IQCH: variants seen among roughly 807,000 people sequenced by gnomAD.
IQCH encodes IQ motif containing H, also known as IQ domain-containing protein H.
In IQCH, 98 loss-of-function variants were observed where a neutral mutation model predicts 117.0. The ratio of observed to expected loss-of-function variants is 0.84; its 90% CI spans 0.71 to 0.99. The LOEUF is 0.99. Among genes scored for constraint, IQCH ranks in the 50% least tolerant of loss-of-function variants. The probability of loss-of-function intolerance (pLI) is 0.00; values close to 1 mark genes in which losing one functional copy is unlikely to be tolerated. For missense variants in IQCH, 1,102 were observed against 1,243.8 expected (o/e 0.89, Z 1.72); for synonymous variants, 412 against 448.2 (o/e 0.92, Z 1.02).
At chr15:67,330,096 C>T (rs1344307599) in intron 4 of IQCH, among the ~76,000 whole-genome samples, 1 of 152,112 alleles carries the variant, frequency 6.6e-6, no homozygotes, top group Non-Finnish European at 1.5e-5. Flanking sequence ...ACCATCATGT[C>T]TTTATTTCAG....
chr15:67,335,328 T>C (rs928312282), intron 4 of IQCH, among the ~76,000 whole-genome samples: 2 of 152,216 alleles, frequency 1.3e-5, no homozygotes, highest in Non-Finnish European at 2.9e-5. Flanking sequence ...TCAAAGGCTT[T>C]GAGAAAATCC....
intron 4 of IQCH, among the ~76,000 whole-genome samples, chr15:67,322,626 C>G (rs1309398138): frequency 3.3e-5 from 5 of 152,182 alleles, no homozygotes; most frequent in African/African-American, 4.8e-5. Flanking sequence ...GCCCACTCAG[C>G]CCGCCTAGGT....
In IQCH at chr15:67,320,574, A is replaced by G. The variant is rs527585723; in HGVS notation, c.388-16401A>G. Among the ~76,000 whole-genome samples, 6 of 152,322 alleles carry G rather than the reference A, an allele frequency of 3.9e-5. No individual in the cohort carries two copies. The South Asian group carries it at 1.0e-3, about 26-fold the overall frequency. ...ATAGTGAGAAAAAATAGCAACAAAG[A>G]ATCATTACATTTTTGTCAACCTGAA... On this transcript the variant is annotated intron_variant, in intron 4 of 20. Transcript: ENST00000335894.
rs1971755093 is a variant in IQCH, at chr15:67,403,492, G to A, written c.2097+3187G>A. ...TTTTTTCTTGGTGACTTGGTACCAA[G>A]CCTATTCTCTTCATCCTACCAGCTA... On this transcript the variant is annotated intron_variant, in intron 14 of 20. Coordinates refer to ENST00000335894, the MANE Select transcript of IQCH (RefSeq NM_001031715.3). This position sits in a 1 kb window ranked among gnomAD's most constrained non-coding sequence, Gnocchi z 4.8. 6.6e-6 allele frequency: 1 copy of A among 152,100 alleles called. No homozygotes were observed. Among genetic ancestry groups the A allele is most frequent in the Admixed American group, 6.5e-5 (1 of 15,268 alleles). The allele number at this position is 152,100 out of a possible 1,614,324, so 9.4% of individuals were successfully genotyped here.
rs1967338214 is a variant in IQCH at position 67,307,129 on chromosome 15, A to G, written c.387+27617A>G. On this transcript the variant is annotated intron_variant, in intron 4 of 20. Coordinates refer to ENST00000335894, the MANE Select transcript of IQCH (RefSeq NM_001031715.3). ...TTATGACCTAGAAAAAAATCATAAA[A>G]ACATTTTTCTTTTTGGCAAGATGTG... The G allele has an allele frequency of 3.6e-6, 4 of 1,117,490 alleles. No homozygotes were observed. The South Asian group carries it at 1.6e-4, about 45-fold the overall frequency. The allele number at this position is 1,117,490 out of a possible 1,614,324, so 69.2% of individuals were successfully genotyped here.
In IQCH at chr15:67,403,357, A is replaced by C. The variant is rs1469420368; in HGVS notation, c.2097+3052A>C. 6.6e-6 allele frequency among the ~76,000 whole-genome samples: 1 copy of C among 152,200 alleles called. No individual in the cohort carries two copies. The highest frequency in any genetic ancestry group is 2.4e-5 in the African/African-American group (1 of 41,454). ...ATAGTCCTGAAGTCAGCAGATGCTG[A>C]AAAGTTGTAGTCACGGTTAAAAAAA... is the stretch of plus-strand genomic sequence containing the variant. On this transcript the variant is annotated intron_variant, in intron 14 of 20. Coordinates refer to ENST00000335894, the MANE Select transcript of IQCH (RefSeq NM_001031715.3). This position sits in a 1 kb window ranked among gnomAD's most constrained non-coding sequence, Gnocchi z 4.8.
chr15:67,297,194 A>T, intron 4 of IQCH, among the ~76,000 whole-genome samples: 1 of 152,218 alleles, frequency 6.6e-6, no homozygotes, highest in East Asian at 1.9e-4. Flanking sequence ...ATAGAATGTT[A>T]GAGCTGAATT....
chr15:67,322,420 T>C (rs949187532), intron 4 of IQCH, among the ~76,000 whole-genome samples: 6 of 151,922 alleles, frequency 3.9e-5, no homozygotes, highest in Non-Finnish European at 7.4e-5. Flanking sequence ...CATGTCCTGT[T>C]TTTTAAGTTC....
rs201813482 is a variant in IQCH, at chr15:67,439,888, C to CAA, written c.2505+18328_2505+18329dup. Reference sequence around the variant, plus strand: ...GGGCAACAAGAGCAAAACTCCGTCTCAAAAAAAAAAAAAAAAAATACAAAC... The same window carrying CAA: ...GGGCAACAAGAGCAAAACTCCGTCTCAAAAAAAAAAAAAAAAAAAATACAAAC... On this transcript the variant is annotated intron_variant, in intron 16 of 20. Coordinates refer to ENST00000335894, the MANE Select transcript of IQCH (RefSeq NM_001031715.3). Among the ~76,000 whole-genome samples the CAA allele has an allele frequency of 1.6e-3, 136 of 83,954 alleles. 4 individuals carry two copies. The highest frequency in any genetic ancestry group is 4.8e-3 in the African/African-American group (128 of 26,486). 55.1% of individuals were successfully genotyped at this position (83,954 alleles called of 152,430 possible).
In IQCH at chr15:67,454,301, T is replaced by C. The variant is rs1034553056; in HGVS notation, c.2506-10826T>C. Among the ~76,000 whole-genome samples the C allele has an allele frequency of 7.9e-5, 12 of 152,170 alleles. No homozygotes were observed. On this transcript the variant is annotated intron_variant, in intron 16 of 20. Coordinates refer to ENST00000335894, the MANE Select transcript of IQCH (RefSeq NM_001031715.3). The surrounding 1 kb of genome is among the most constrained non-coding windows in gnomAD (Gnocchi z 5.2). ...GGTACCTCAGTTGGAAATGCAGAAA[T>C]CACCCGTCTTCTGCGTCGCTCACGC...
intron 4 of IQCH, among the ~76,000 whole-genome samples, chr15:67,331,317 C>T (rs917864816): frequency 2.0e-5 from 3 of 151,742 alleles, no homozygotes; most frequent in Non-Finnish European, 2.9e-5. Context: ...TTAAAGAGAA[C>T]ATAAATTAAT....
intron 3 of IQCH, among the ~76,000 whole-genome samples, chr15:67,269,175 C>T (rs573812256): frequency 6.6e-6 from 1 of 152,186 alleles, no homozygotes; most frequent in East Asian, 1.9e-4. Context: ...TCTCATCTTA[C>T]AGATAAACCA....
At chr15:67,351,536 G>T (rs537134062) in intron 6 of IQCH, among the ~76,000 whole-genome samples, 9 of 152,318 alleles carry the variant, frequency 5.9e-5, no homozygotes, top group Admixed American at 5.9e-4. Flanking sequence ...GAGTGGAAAT[G>T]TTGGTCATGG....
chr15:67,449,224 TTTAA>T (rs1247229596), intron 16 of IQCH, among the ~76,000 whole-genome samples: 5 of 152,138 alleles, frequency 3.3e-5, no homozygotes, highest in Non-Finnish European at 7.3e-5. Context: ...AGCTCCTGAG[TTTAA>T]TTAGATCCCA....
intron 18 of IQCH, among the ~76,000 whole-genome samples, chr15:67,482,630 T>A (rs1474898990): frequency 6.6e-6 from 1 of 152,252 alleles, no homozygotes; most frequent in Admixed American, 6.5e-5. Flanking sequence ...GCAAGTTTAC[T>A]AGCAAAAAAG....
chr15:67,276,063 T>C (rs1468513130), intron 3 of IQCH, among the ~76,000 whole-genome samples: 1 of 152,202 alleles, frequency 6.6e-6, no homozygotes, highest in East Asian at 1.9e-4. Context: ...TTAACACATC[T>C]ATATGTATGT....
intron 18 of IQCH, among the ~76,000 whole-genome samples, chr15:67,487,515 C>T (rs540279653): frequency 6.6e-6 from 1 of 151,728 alleles, no homozygotes; most frequent in Non-Finnish European, 1.5e-5. Flanking sequence ...AAAATTACTG[C>T]AAAAAATTCA....
intron 4 of IQCH, among the ~76,000 whole-genome samples, chr15:67,294,887 A>G (rs1966843139): frequency 6.6e-6 from 1 of 152,186 alleles, no homozygotes; most frequent in Non-Finnish European, 1.5e-5. Flanking sequence ...TGGGAGACAA[A>G]ACACAAGTCT....
At chr15:67,341,673 T>TTTA (rs1198305695) in intron 5 of IQCH, among the ~76,000 whole-genome samples, 48 of 152,300 alleles carry the variant, frequency 3.2e-4, no homozygotes, top group African/African-American at 1.1e-3. Context: ...AAGTTATGAC[T>TTTA]CTTATATAAA....
Sources: allele counts gnomAD v4.1 joint callset (sites outside exome capture counted in the v4.1 genomes callset), GRCh38; gene constraint gnomAD v4.1.1; non-coding constraint Gnocchi (gnomAD v3.1); transcripts MANE v1.5; gene names NCBI Gene and HGNC (gene_info 2026-07-23, HGNC 2026-07-21).